KIAA0825: variants seen among roughly 807,000 people sequenced by gnomAD.
KIAA0825 encodes KIAA0825.
Under a neutral mutation model 147.6 loss-of-function variants are expected in KIAA0825, and 119 were observed. The ratio of observed to expected loss-of-function variants is 0.81; its 90% confidence interval spans 0.69 to 0.94. KIAA0825 has a LOEUF of 0.94. KIAA0825 is among the 40% of genes least tolerant of loss of function. The pLI is 0.00. For missense variants in KIAA0825, 1,381 were observed against 1,472.7 expected (o/e 0.94, Z 1.02); for synonymous variants, 470 against 518.1 (o/e 0.91, Z 1.26).
intron 20 of KIAA0825, among the ~76,000 whole-genome samples, chr5:94,263,659 C>G (rs556197386): frequency 6.7e-6 from 1 of 148,190 alleles, no homozygotes; most frequent in East Asian, 2.1e-4. Context: ...GTCTCTCTCT[C>G]TCTCTCTTTT....
At chr5:94,157,804 G>T (rs1272635576) in intron 20 of KIAA0825, among the ~76,000 whole-genome samples, 1 of 152,130 alleles carries the variant, frequency 6.6e-6, no homozygotes, top group Non-Finnish European at 1.5e-5. Flanking sequence ...TTTCAAGGAT[G>T]ACTGTGTGTT....
At chr5:94,427,713 T>C (rs1244475423) in intron 14 of KIAA0825, among the ~76,000 whole-genome samples, 1 of 152,228 alleles carries the variant, frequency 6.6e-6, no homozygotes, top group Non-Finnish European at 1.5e-5. Context: ...ATTTTAATTT[T>C]CTGCCTTGAT....
At chr5:94,404,624 A>G (rs1751809828) in intron 15 of KIAA0825, among the ~76,000 whole-genome samples, 1 of 152,198 alleles carries the variant, frequency 6.6e-6, no homozygotes, top group African/African-American at 2.4e-5. Context: ...CTAAAAACCC[A>G]AAATATTAAT....
At chr5:94,403,439 A>G (rs890458868) in intron 16 of KIAA0825, 130 bp downstream of exon 16, 2 of 653,318 alleles carry the variant, frequency 3.1e-6, no homozygotes, top group African/African-American at 3.7e-5. Context: ...TAAGGGTCGC[A>G]CATCTACTTA....
chr5:94,394,886 T>C (rs1409613035), intron 17 of KIAA0825, among the ~76,000 whole-genome samples: 2 of 152,142 alleles, frequency 1.3e-5, no homozygotes, highest in Non-Finnish European at 2.9e-5. Flanking sequence ...CAGAAGTACA[T>C]TTCTAGAGGT....
intron 20 of KIAA0825, among the ~76,000 whole-genome samples, chr5:94,240,107 GTTTAGGAAATAAA>G (rs1775272487): frequency 6.6e-6 from 1 of 152,144 alleles, no homozygotes; most frequent in African/African-American, 2.4e-5. Flanking sequence ...TTTTCACCCT[GTTTAGGAAATAAA>G]CAGTCCTTAA....
At chr5:94,170,003 T>G (rs1040553403) in intron 20 of KIAA0825, among the ~76,000 whole-genome samples, 2 of 152,126 alleles carry the variant, frequency 1.3e-5, no homozygotes, top group Non-Finnish European at 2.9e-5. Context: ...AGGGTACATC[T>G]CCCACGTAAG....
chr5:94,407,346 A>T (rs1016827141), intron 15 of KIAA0825, among the ~76,000 whole-genome samples: 1 of 152,226 alleles, frequency 6.6e-6, no homozygotes, highest in Non-Finnish European at 1.5e-5. Context: ...ACTCCTAGTT[A>T]TATATCCAGA....
chr5:94,235,590 G>A (rs1183732826), intron 20 of KIAA0825, among the ~76,000 whole-genome samples: 2 of 152,202 alleles, frequency 1.3e-5, no homozygotes, highest in Non-Finnish European at 2.9e-5. Context: ...GAAGAAGGTG[G>A]CTACACTAAA....
intron 20 of KIAA0825, among the ~76,000 whole-genome samples, chr5:94,364,735 G>A (rs1159442023): frequency 1.3e-5 from 2 of 152,068 alleles, no homozygotes; most frequent in African/African-American, 4.8e-5. Context: ...CAATATATAG[G>A]AGTTAAGAAG....
At chr5:94,477,705 C>T (rs935515100) in intron 6 of KIAA0825, among the ~76,000 whole-genome samples, 5 of 151,964 alleles carry the variant, frequency 3.3e-5, no homozygotes, top group African/African-American at 1.2e-4. Flanking sequence ...TACCCTTAAG[C>T]ATATCAACGA....
chr5:94,248,286 A>T (rs890895343), intron 20 of KIAA0825, among the ~76,000 whole-genome samples: 14 of 152,126 alleles, frequency 9.2e-5, no homozygotes, highest in African/African-American at 3.4e-4. Context: ...CCAGCTCATT[A>T]CCTGTCTGGA....
rs1243788399 is a variant in KIAA0825, at chr5:94,152,069, T to C, written c.*1938A>G. 6.6e-6 allele frequency among the ~76,000 whole-genome samples: 1 copy of C among 152,232 alleles called. No homozygotes were observed. Among genetic ancestry groups the C allele is most frequent in the Admixed American group, 6.5e-5 (1 of 15,284 alleles). ...TTTAGAAATTACTTCAACCAAATCT[T>C]AAAAACACTTGGTTTATGATTATAC... On this transcript the variant is annotated 3_prime_UTR_variant, in exon 21 of 21. Coordinates refer to ENST00000682413, the MANE Select transcript of KIAA0825 (RefSeq NM_001145678.3).
chr5:94,335,379 T>G (rs1055525522), intron 20 of KIAA0825, among the ~76,000 whole-genome samples: 3 of 152,296 alleles, frequency 2.0e-5, no homozygotes, highest in African/African-American at 7.2e-5. Context: ...ATATAGATTA[T>G]GTATATTTCT....
At chr5:94,295,190 C>G (rs1778080380) in intron 20 of KIAA0825, among the ~76,000 whole-genome samples, 1 of 151,700 alleles carries the variant, frequency 6.6e-6, no homozygotes, top group South Asian at 2.1e-4. Context: ...CTCTGATATC[C>G]TTTCTTCTGC....
intron 20 of KIAA0825, among the ~76,000 whole-genome samples, chr5:94,346,652 C>G (rs1035967667): frequency 2.6e-5 from 4 of 152,186 alleles, no homozygotes; most frequent in Non-Finnish European, 5.9e-5. Context: ...GTAGACGAAG[C>G]AGCAGAAAGG....
intron 3 of KIAA0825, among the ~76,000 whole-genome samples, chr5:94,534,074 A>G (rs1771479560): frequency 6.6e-6 from 1 of 152,248 alleles, no homozygotes; most frequent in South Asian, 2.1e-4. Flanking sequence ...ATCATATTTT[A>G]AAATGAATTA....
At chr5:94,519,534 A>G in intron 5 of KIAA0825, 1 of 642,754 alleles carries the variant, frequency 1.6e-6, no homozygotes, top group African/African-American at 2.0e-5. Context: ...AATAAAATAG[A>G]AATTTTCAAA....
intron 5 of KIAA0825, among the ~76,000 whole-genome samples, chr5:94,506,333 A>C (rs779911674): frequency 6.6e-6 from 1 of 152,200 alleles, no homozygotes; most frequent in Non-Finnish European, 1.5e-5. Flanking sequence ...AAGAACTATA[A>C]AACTTTGAAC....
Sources: gnomAD v4.1 joint callset for allele counts (sites outside exome capture counted in the v4.1 genomes callset) on GRCh38, gnomAD v4.1.1 for gene constraint, MANE v1.5 for transcripts, NCBI Gene and HGNC (gene_info 2026-07-23, HGNC 2026-07-21) for gene names.